SGIP1: variants seen among roughly 807,000 people sequenced by gnomAD.
The protein encoded by SGIP1 is SH3-containing GRB2-like protein 3-interacting protein 1.
Under a neutral mutation model 107.5 loss-of-function variants are expected in SGIP1, and 38 were observed. The observed-to-expected ratio is 0.35, with a 90% confidence interval of 0.27 to 0.46. The LOEUF is 0.46. Ranked by LOEUF, SGIP1 falls within the 20% of genes least tolerant of loss-of-function variation. The pLI is 1.00. For missense variants in SGIP1, 929 were observed against 1,019.5 expected (o/e 0.91, Z 1.21); for synonymous variants, 365 against 366.1 (o/e 1.00, Z 0.03).
intron 14 of SGIP1, among the ~76,000 whole-genome samples, chr1:66,681,104 A>T (rs538779702): frequency 6.6e-6 from 1 of 152,360 alleles, no homozygotes; most frequent in South Asian, 2.1e-4. Context: ...AAAAGAAATT[A>T]TTTAAAAATT....
At chr1:66,661,400 G>A (rs1253078934) in intron 8 of SGIP1, among the ~76,000 whole-genome samples, 3 of 152,136 alleles carry the variant, frequency 2.0e-5, no homozygotes, top group South Asian at 4.1e-4. Context: ...ACCAAATCCT[G>A]GCAGCCACTG....
intron 7 of SGIP1, among the ~76,000 whole-genome samples, chr1:66,649,857 C>T (rs1471504030): frequency 6.6e-6 from 1 of 152,042 alleles, no homozygotes; most frequent in African/African-American, 2.4e-5. Flanking sequence ...CAATGATGTC[C>T]CAATTACTCA....
At chr1:66,715,638 G>C (rs1177815999) in intron 18 of SGIP1, among the ~76,000 whole-genome samples, 1 of 152,102 alleles carries the variant, frequency 6.6e-6, no homozygotes, top group Non-Finnish European at 1.5e-5. Context: ...AAAGCACTAC[G>C]ACCATCATTT....
At chr1:66,549,606 CA>C (rs1367780166) in intron 1 of SGIP1, among the ~76,000 whole-genome samples, 1 of 152,094 alleles carries the variant, frequency 6.6e-6, no homozygotes, top group Non-Finnish European at 1.5e-5. Context: ...TTATTATTAC[CA>C]CTGCCATTGG....
intron 13 of SGIP1, among the ~76,000 whole-genome samples, chr1:66,679,312 A>G (rs991413258): frequency 2.6e-5 from 4 of 152,196 alleles, no homozygotes; most frequent in Non-Finnish European, 5.9e-5. Flanking sequence ...TCAGTCAGTC[A>G]TAAATCCCTT....
chr1:66,619,288 T>C (rs762193402), intron 1 of SGIP1, among the ~76,000 whole-genome samples: 6 of 152,224 alleles, frequency 3.9e-5, no homozygotes, highest in Non-Finnish European at 5.9e-5. Context: ...AGTACATTTA[T>C]ATAGAGGTTC....
At chr1:66,589,975 C>A (rs56956053) in intron 1 of SGIP1, among the ~76,000 whole-genome samples, 5,673 of 152,130 alleles carry the variant, frequency 0.037, 367 homozygotes, top group African/African-American at 0.13. Context: ...TCTCTTTGTT[C>A]CCTGTGTGTG....
Position 66,534,178 on chromosome 1 carries a change from T to C in SGIP1, c.-181T>C. 1.6e-6 allele frequency: 1 copy of C among 637,968 alleles called. No individual in the cohort carries two copies. The allele number at this position is 637,968 out of a possible 1,614,324, so 39.5% of individuals were successfully genotyped here. On this transcript the variant is annotated 5_prime_UTR_variant, in exon 1 of 25. Coordinates refer to ENST00000371037, the MANE Select transcript of SGIP1 (RefSeq NM_032291.4). ...ATCTTCTTGGTAGCCTGCCTGTAGG[T>C]GAAGAAGCACCAGCAGCATCCATGG...
intron 3 of SGIP1, among the ~76,000 whole-genome samples, chr1:66,635,456 C>A (rs2075598091): frequency 6.6e-6 from 1 of 152,238 alleles, no homozygotes; most frequent in African/African-American, 2.4e-5. Flanking sequence ...TTTTTTATCA[C>A]CCTGAACAGG....
intron 18 of SGIP1, among the ~76,000 whole-genome samples, chr1:66,717,624 G>A (rs57595509): frequency 0.02 from 3,011 of 152,084 alleles, 96 homozygotes; most frequent in African/African-American, 0.068. Context: ...TACTATAATT[G>A]CCTACTAAGA....
intron 12 of SGIP1, among the ~76,000 whole-genome samples, chr1:66,676,747 G>T (rs537149616): frequency 1.2e-3 from 190 of 152,182 alleles, no homozygotes; most frequent in Non-Finnish European, 2.3e-3. Context: ...GGAAGCAAAT[G>T]CAGATTCTGC....
At chr1:66,632,598 C>A (rs765307693) in intron 2 of SGIP1, among the ~76,000 whole-genome samples, 11 of 152,138 alleles carry the variant, frequency 7.2e-5, no homozygotes, top group Non-Finnish European at 1.3e-4. Flanking sequence ...CTTTTGATTG[C>A]GCCTGTGAAT....
intron 20 of SGIP1, 85 bp from the exon 21 acceptor site, chr1:66,733,663 A>T (rs372747098): frequency 6.8e-7 from 1 of 1,462,426 alleles, no homozygotes. Context: ...TGTACATATC[A>T]GACGACAATT....
chr1:66,621,799 A>G (rs2071212734), intron 1 of SGIP1, among the ~76,000 whole-genome samples: 1 of 152,232 alleles, frequency 6.6e-6, no homozygotes, highest in African/African-American at 2.4e-5. Context: ...TTATGGCTGA[A>G]TAGTATTCCA....
intron 1 of SGIP1, among the ~76,000 whole-genome samples, chr1:66,595,581 C>T (rs2064489344): frequency 1.3e-5 from 2 of 152,210 alleles, no homozygotes; most frequent in Admixed American, 1.3e-4. Flanking sequence ...TATTGGTGAA[C>T]TCCTGAGTTC....
chr1:66,747,670 A>T lies in SGIP1; in HGVS notation c.*4575A>T, dbSNP rs1243466955. 1 of 152,000 alleles carries T rather than the reference A, an allele frequency of 6.6e-6. No homozygotes were observed. Among genetic ancestry groups the T allele is most frequent in the Admixed American group, 6.6e-5 (1 of 15,262 alleles). 9.4% of individuals were successfully genotyped at this position (152,000 alleles called of 1,614,324 possible). On this transcript the variant is annotated 3_prime_UTR_variant, in exon 25 of 25. Transcript: ENST00000371037. The stretch of plus-strand genomic sequence containing the variant: ...GACTTTACAAACATGTGGTAGCCTC[A>T]TTCTAAAAGAGTTGCACGAATATTT...
intron 18 of SGIP1, among the ~76,000 whole-genome samples, chr1:66,718,773 T>C (rs1405983485): frequency 6.6e-6 from 1 of 152,152 alleles, no homozygotes; most frequent in East Asian, 1.9e-4. Flanking sequence ...TTTTTGGACA[T>C]GTAAACTTGA....
At chr1:66,545,072 TC>T (rs1034732558) in intron 1 of SGIP1, among the ~76,000 whole-genome samples, 10 of 152,138 alleles carry the variant, frequency 6.6e-5, no homozygotes, top group African/African-American at 2.4e-4. Flanking sequence ...CTCTCTTTCA[TC>T]CCCTGCTAAC....
intron 7 of SGIP1, among the ~76,000 whole-genome samples, chr1:66,652,050 G>T (rs1397177360): frequency 6.6e-6 from 1 of 152,116 alleles, no homozygotes; most frequent in African/African-American, 2.4e-5. Flanking sequence ...GGAGAAACCA[G>T]CACAGAAAGA....
Sources: gnomAD v4.1 joint callset for allele counts (sites outside exome capture counted in the v4.1 genomes callset) on GRCh38, gnomAD v4.1.1 for gene constraint, MANE v1.5 for transcripts, NCBI Gene and HGNC (gene_info 2026-07-23, HGNC 2026-07-21) for gene names.